The following CFAP47 variants were observed in gnomAD, a reference collection of about 807,000 sequenced individuals.
The protein encoded by CFAP47 is cilia and flagella associated protein 47, also known as cilia- and flagella-associated protein 47.
A neutral mutation model predicts 148.1 loss-of-function variants in CFAP47; 29 were observed. The observed-to-expected ratio is 0.20, with a 90% CI of 0.15 to 0.27. The LOEUF (loss-of-function observed/expected upper bound fraction) is 0.27, where lower values mean the gene tolerates loss of function less well. CFAP47 is among the 10% of genes least tolerant of loss of function. The pLI is 1.00. For synonymous variants in CFAP47, 664 were observed against 577.3 expected (o/e 1.15, Z -2.15); for missense variants, 1,872 against 1,697.5 (o/e 1.10, Z -1.81).
intron 33 of CFAP47, among the ~76,000 whole-genome samples, chrX:36,123,571 C>G (rs1388498548): frequency 1.8e-5 from 2 of 111,737 alleles, no homozygotes; most frequent in Non-Finnish European, 3.8e-5. Context: ...GCCACAACCA[C>G]CACAGGCTCA....
intron 45 of CFAP47, among the ~76,000 whole-genome samples, chrX:36,227,132 A>G (rs1034275493): frequency 9.0e-6 from 1 of 111,656 alleles, no homozygotes; most frequent in Admixed American, 9.6e-5. Flanking sequence ...AAAGTAATCA[A>G]TTAACAACAG....
rs1354187028 is a variant in CFAP47, at chrX:36,038,351, G to A, written c.3812-633G>A. The stretch of plus-strand genomic sequence containing the variant: ...TTCTTGGAGATTTCGATGTGAAAGG[G>A]TATTGATCACTCTCTGTGATGGAAA... On this transcript the variant is annotated intron_variant, in intron 24 of 63. Coordinates refer to ENST00000378653, the MANE Select transcript of CFAP47 (RefSeq NM_001304548.2). Among the ~76,000 whole-genome samples, 6 of 111,956 alleles carry A rather than the reference G, an allele frequency of 5.4e-5. No homozygotes were observed. The Admixed American group carries it at 5.7e-4, about 11-fold the overall frequency.
rs2146947401 is a variant in CFAP47 at position 36,285,649 on chromosome X, A to C, written c.7609A>C (p.Arg2537=). ...TTCAGATGGTAATTTTAACAATTTA[A>C]GATTCTGGTATAATCTTGAGATCCA... The part of the protein sequence containing the change: ...ADTYGNFNNL[R]FWYNLEIHST... The change falls in exon 51 of 64, where the codon AGA becomes CGA. Residue 2537 remains arginine, a synonymous_variant. Transcript: ENST00000378653. 1 of 995,933 alleles carries C rather than the reference A, an allele frequency of 1.0e-6. No homozygotes were observed. The allele number at this position is 995,933 out of a possible 1,213,427, so 82.1% of individuals were successfully genotyped here. A position where few individuals can be genotyped will look rare whatever the true frequency, so the allele number is the denominator to read the frequency against.
chrX:36,144,501 T>G (rs1324383805), intron 35 of CFAP47: 3 of 963,626 alleles, frequency 3.1e-6, no homozygotes, highest in East Asian at 6.4e-5. Flanking sequence ...TGGTTAATAT[T>G]AGGTGTCAAC....
At chrX:36,248,363 ATG>A (rs1286630202) in intron 48 of CFAP47, among the ~76,000 whole-genome samples, 4 of 105,029 alleles carry the variant, frequency 3.8e-5, no homozygotes, top group African/African-American at 6.8e-5. Context: ...TCTTTATAAT[ATG>A]TGTGTATATA....
At chrX:36,200,847 C>T (rs4419977) in intron 43 of CFAP47, among the ~76,000 whole-genome samples, 30,519 of 110,658 alleles carry the variant, frequency 0.28, 4,967 homozygotes, top group African/African-American at 0.61. Flanking sequence ...TACCCTGGCC[C>T]CCAGTTCTTG....
At chrX:36,143,925 C>T (rs1395283283) in intron 35 of CFAP47, among the ~76,000 whole-genome samples, 1 of 111,193 alleles carries the variant, frequency 9.0e-6, no homozygotes, top group African/African-American at 3.3e-5. Context: ...TCAAGTCCCT[C>T]ACCCTGCCGT....
At chrX:36,288,729 C>A (rs1602092274) in intron 51 of CFAP47, among the ~76,000 whole-genome samples, 1 of 111,295 alleles carries the variant, frequency 9.0e-6, no homozygotes, top group Non-Finnish European at 1.9e-5. Flanking sequence ...ATAAAAGCAT[C>A]CATACAAAAC....
chrX:36,046,384 G>A (rs1018544796), intron 25 of CFAP47, among the ~76,000 whole-genome samples: 5 of 110,410 alleles, frequency 4.5e-5, no homozygotes, highest in Non-Finnish European at 9.5e-5. Context: ...GGTAATGATT[G>A]AAAAACATTC....
intron 56 of CFAP47, among the ~76,000 whole-genome samples, chrX:36,314,791 T>C (rs1556010675): frequency 8.9e-6 from 1 of 111,974 alleles, no homozygotes; most frequent in Non-Finnish European, 1.9e-5. Flanking sequence ...GAAAAAGTCT[T>C]AAATACTATC....
At chrX:36,073,505 ATTG>A in intron 29 of CFAP47, 141 bp downstream of exon 29, 1 of 415,612 alleles carries the variant, frequency 2.4e-6, no homozygotes, top group Admixed American at 4.9e-5. Flanking sequence ...CTCATAATTT[ATTG>A]TTGTTATTGC....
Position 36,379,489 on chromosome X carries a change from A to G in CFAP47, c.9325A>G (p.Arg3109Gly). Reference sequence around the variant, plus strand: ...AGGATTTAAACCTAAAATGTACTGTAGGAAATATAAAGCAACATTAGTAAT... The same window carrying G: ...AGGATTTAAACCTAAAATGTACTGTGGGAAATATAAAGCAACATTAGTAAT... ...TVGFKPKMYC[R>G]KYKATLVIQT... Residue 3109 changes from arginine (R) to glycine (G), a missense_variant, in exon 63 of 64, where the codon AGG becomes GGG. Transcript: ENST00000378653. The G allele has an allele frequency of 1.7e-6, 2 of 1,163,988 alleles. No individual in the cohort carries two copies. Among genetic ancestry groups the G allele is most frequent in the Non-Finnish European group, 1.2e-6 (1 of 869,395 alleles).
At chrX:35,923,107 T>A (rs1935603667) in intron 1 of CFAP47, among the ~76,000 whole-genome samples, 1 of 111,362 alleles carries the variant, frequency 9.0e-6, no homozygotes, top group African/African-American at 3.3e-5. Flanking sequence ...TCAAGGGGTT[T>A]GTAGTCTGCT....
At chrX:36,063,526 G>A (rs1937611342) in intron 26 of CFAP47, among the ~76,000 whole-genome samples, 1 of 111,655 alleles carries the variant, frequency 9.0e-6, no homozygotes, top group African/African-American at 3.2e-5. Context: ...GAAATCAAAT[G>A]TTATCTTCTG....
At position 35,923,814 on chromosome X, in the gene CFAP47, G is replaced by A. The variant is rs146390637; in HGVS notation, c.250-2203G>A. Among the ~76,000 whole-genome samples the A allele has an allele frequency of 7.0e-3, 669 of 95,559 alleles. 5 individuals carry two copies. The highest frequency in any genetic ancestry group is 0.018 in the African/African-American group (443 of 24,391). 83.0% of individuals were successfully genotyped at this position (95,559 alleles called of 115,157 possible). A position where few individuals can be genotyped will look rare whatever the true frequency, so the allele number is the denominator to read the frequency against. On this transcript the variant is annotated intron_variant, in intron 1 of 63. Transcript: ENST00000378653. The stretch of plus-strand genomic sequence containing the variant: ...CAGCCTGGCGACAGAACGAGAATCC[G>A]TCTGAAAAAAAAAAGTGTATATATA...
intron 45 of CFAP47, among the ~76,000 whole-genome samples, chrX:36,220,498 A>G (rs782795265): frequency 1.8e-5 from 2 of 110,329 alleles, no homozygotes; most frequent in East Asian, 5.7e-4. Flanking sequence ...GGCGTGAAAA[A>G]CCAAACAAAC....
chrX:36,379,396 G>T lies in CFAP47; in HGVS notation c.9232G>T (p.Glu3078Ter). ...TAHFLPGSDL[E>*]FFVKPQAGEL... is the part of the protein sequence containing the mutation. ...ACACTTCCTACCTGGCAGCGATCTG[G>T]AGTTTTTTGTAAAACCTCAGGCTGG... The change falls in exon 63 of 64, where the codon GAG becomes TAG. Residue 3078 changes from glutamate (E) to a stop codon, truncating the protein, a stop_gained. Transcript: ENST00000378653. LOFTEE classifies it high-confidence loss of function. 2 of 1,166,980 alleles carry T rather than the reference G, an allele frequency of 1.7e-6. No individual in the cohort carries two copies. The highest frequency in any genetic ancestry group is 2.3e-6 in the Non-Finnish European group (2 of 872,264).
At chrX:36,158,554 G>A (rs1352421483) in intron 37 of CFAP47, among the ~76,000 whole-genome samples, 1 of 112,091 alleles carries the variant, frequency 8.9e-6, no homozygotes, top group Non-Finnish European at 1.9e-5. Flanking sequence ...CTAAATTTGT[G>A]CTGTCATTAA....
chrX:35,985,905 C>A (rs765991985), intron 15 of CFAP47: 1 of 327,365 alleles, frequency 3.1e-6, no homozygotes, highest in South Asian at 2.9e-5. Context: ...GCTCTCCCTG[C>A]CATCATTAGC....
Sources: gnomAD v4.1 joint callset for allele counts (sites outside exome capture counted in the v4.1 genomes callset) on GRCh38, gnomAD v4.1.1 for gene constraint, MANE v1.5 for transcripts, NCBI Gene and HGNC (gene_info 2026-07-23, HGNC 2026-07-21) for gene names.